ZNF385C: variants seen among roughly 807,000 people sequenced by gnomAD.
ZNF385C encodes CTD-2132N18.2.
In ZNF385C, 28 loss-of-function variants were observed where a neutral mutation model predicts 35.4. That is an observed-to-expected ratio of 0.79 (90% CI 0.59 to 1.08). ZNF385C has a LOEUF of 1.08. ZNF385C is among the 50% of genes least tolerant of loss of function. ZNF385C has a pLI of 0.00. For missense variants in ZNF385C, 605 were observed against 595.6 expected, an observed-to-expected ratio of 1.02 and a Z score of -0.16; for synonymous variants, 248 against 248.2, an observed-to-expected ratio of 1.00 and a Z score of 0.01.
intron 6 of ZNF385C, 51 bp downstream of exon 6, chr17:42,028,732 T>G: frequency 6.6e-7 from 1 of 1,516,810 alleles, no homozygotes; most frequent in African/African-American, 1.4e-5. Context: ...CTGGCGAGGC[T>G]TAGCTTCTGT....
In ZNF385C at chr17:42,026,741, G is replaced by A; in HGVS notation, c.*156C>T. 1.3e-6 allele frequency: 1 copy of A among 754,278 alleles called. No individual in the cohort carries two copies. The highest frequency in any genetic ancestry group is 1.6e-5 in the South Asian group (1 of 61,686). The allele number at this position is 754,278 out of a possible 1,614,324, so 46.7% of individuals were successfully genotyped here. ...GGAGGGTGGGGACAGTCCTTGGAAGGCAGCTGCCCTTAAAACTAGCCCAGC... is the reference window on the plus strand; with the variant it reads ...GGAGGGTGGGGACAGTCCTTGGAAGACAGCTGCCCTTAAAACTAGCCCAGC... On this transcript the variant is annotated 3_prime_UTR_variant, in exon 9 of 9. Transcript: ENST00000692273.
intron 1 of ZNF385C, among the ~76,000 whole-genome samples, chr17:42,093,123 T>A (rs1555660711): frequency 6.7e-6 from 1 of 150,338 alleles, no homozygotes; most frequent in African/African-American, 2.5e-5. Context: ...GCCACAGAGG[T>A]GGGGAGGCCA....
At chr17:42,096,501 T>G (rs1555660974) in intron 1 of ZNF385C, among the ~76,000 whole-genome samples, 1 of 152,062 alleles carries the variant, frequency 6.6e-6, no homozygotes, top group Non-Finnish European at 1.5e-5. Flanking sequence ...GGTTTAAGGG[T>G]GCTACTGAAC....
At chr17:42,049,437 G>A (rs534619606) in intron 2 of ZNF385C, among the ~76,000 whole-genome samples, 1 of 152,300 alleles carries the variant, frequency 6.6e-6, no homozygotes, top group East Asian at 1.9e-4. Flanking sequence ...TCCCAGAGAT[G>A]GGTACAGTGC....
intron 1 of ZNF385C, among the ~76,000 whole-genome samples, chr17:42,083,707 C>CTTTTTTTTTATTTTTTT (rs2053774206): frequency 2.0e-5 from 1 of 49,940 alleles, no homozygotes; most frequent in African/African-American, 8.6e-5. Context: ...CTTTTCAAGT[C>CTTTTTTTTTATTTTTTT]TTTTTTTTTT....
intron 1 of ZNF385C, among the ~76,000 whole-genome samples, chr17:42,093,583 TTA>T (rs1285747918): frequency 1.4e-5 from 2 of 138,462 alleles, no homozygotes; most frequent in African/African-American, 3.1e-5. Flanking sequence ...TTTATTTTAT[TTA>T]TTTTTTTTTT....
Position 42,026,907 on chromosome 17 carries a change from G to A in ZNF385C, c.1502C>T (p.Ala501Val). The A allele has an allele frequency of 6.3e-7, 1 of 1,593,304 alleles. No homozygotes were observed. Among genetic ancestry groups the A allele is most frequent in the Non-Finnish European group, 8.5e-7 (1 of 1,169,756 alleles). Residue 501 changes from alanine (A) to valine (V), a missense_variant, in exon 9 of 9, where the codon GCC becomes GTC. Transcript: ENST00000692273. ...VRPATGPIVL[A>V]PY ...GCCTCCCCATGAGGGCTAATAAGGG[G>A]CAAGGACGATAGGTCCTGTGGCAGG...
intron 2 of ZNF385C, chr17:42,039,801 C>T: frequency 8.1e-7 from 1 of 1,232,392 alleles, no homozygotes; most frequent in Non-Finnish European, 1.0e-6. Flanking sequence ...GGGGCCCATC[C>T]ACTGCGATCT....
Position 42,028,874 on chromosome 17 carries a change from A to G in ZNF385C, c.876T>C (p.Ser292=). Residue 292 remains serine (S), a synonymous_variant, in exon 6 of 9, where the codon AGT becomes AGC. Coordinates refer to ENST00000692273, the MANE Select transcript of ZNF385C (RefSeq NM_001392013.1). ...PAAAAVGSSM[S]GEGRSEKGHL... is the part of the protein sequence containing the mutation. ...GCCCCTTCTCACTCCTGCCTTCCCCACTCATGCTGCTTCCCACGGCAGCTG... is the reference window on the plus strand; with the variant it reads ...GCCCCTTCTCACTCCTGCCTTCCCCGCTCATGCTGCTTCCCACGGCAGCTG... The G allele has an allele frequency of 6.4e-7, 1 of 1,550,424 alleles. No homozygotes were observed. Among genetic ancestry groups the G allele is most frequent in the Non-Finnish European group, 8.7e-7 (1 of 1,146,960 alleles).
At chr17:42,054,234 T>C (rs2053334803) in intron 2 of ZNF385C, among the ~76,000 whole-genome samples, 1 of 152,202 alleles carries the variant, frequency 6.6e-6, no homozygotes, top group Admixed American at 6.5e-5. Context: ...GGACTGACTT[T>C]GTCCACAGGG....
chr17:42,032,384 C>T (rs1331203468), intron 4 of ZNF385C, among the ~76,000 whole-genome samples: 2 of 152,102 alleles, frequency 1.3e-5, no homozygotes, highest in African/African-American at 4.8e-5. Context: ...AGGCAAGTAA[C>T]ATCTCTCTGA....
At chr17:42,069,025 C>T (rs371403230) in intron 1 of ZNF385C, among the ~76,000 whole-genome samples, 3 of 152,328 alleles carry the variant, frequency 2.0e-5, no homozygotes, top group Admixed American at 6.5e-5. Context: ...AGAGAAAAAG[C>T]GTGTATGTAC....
intron 2 of ZNF385C, among the ~76,000 whole-genome samples, chr17:42,056,436 C>T (rs937068466): frequency 1.3e-5 from 2 of 152,208 alleles, no homozygotes; most frequent in Admixed American, 1.3e-4. Flanking sequence ...CTCAGCAGGG[C>T]ATCAGAGAGG....
Position 42,025,750 on chromosome 17 carries a change from G to A in ZNF385C, c.*1147C>T, listed in dbSNP as rs961008339. The A allele has an allele frequency of 2.0e-5, 3 of 152,506 alleles. No homozygotes were observed. The highest frequency in any genetic ancestry group is 7.2e-5 in the African/African-American group (3 of 41,436). 9.4% of individuals were successfully genotyped at this position (152,506 alleles called of 1,614,324 possible). A position where few individuals can be genotyped will look rare whatever the true frequency, so the allele number is the denominator to read the frequency against. The stretch of plus-strand genomic sequence containing the variant: ...AGGGTCCCATATTGTGGGGTGGGGA[G>A]GGGGCAGTGCTGCAGTGGAAAGGAG... On this transcript the variant is annotated 3_prime_UTR_variant, in exon 9 of 9. Coordinates refer to ENST00000692273, the MANE Select transcript of ZNF385C (RefSeq NM_001392013.1).
chr17:42,086,882 G>A (rs1416602962), intron 1 of ZNF385C, among the ~76,000 whole-genome samples: 1 of 144,372 alleles, frequency 6.9e-6, no homozygotes, highest in African/African-American at 2.6e-5. Context: ...AGGCTGGAGT[G>A]CAGTGGCGTG....
At chr17:42,089,611 T>A (rs2053844201) in intron 1 of ZNF385C, among the ~76,000 whole-genome samples, 1 of 152,162 alleles carries the variant, frequency 6.6e-6, no homozygotes, top group Non-Finnish European at 1.5e-5. Flanking sequence ...TTGACTAAAA[T>A]GCACAAAAGA....
chr17:42,026,822 G>A lies in ZNF385C; in HGVS notation c.*75C>T, dbSNP rs1277125899. On this transcript the variant is annotated 3_prime_UTR_variant, in exon 9 of 9. Transcript: ENST00000692273. ...TGTTCACAGTCCCTGTGGCATGTAG[G>A]AAACCAAGGTGTCTCAGGACAGGAG... 9.2e-6 allele frequency: 13 copies of A among 1,418,432 alleles called. No homozygotes were observed. The highest frequency in any genetic ancestry group is 1.2e-5 in the Non-Finnish European group (12 of 1,025,830). 87.9% of individuals were successfully genotyped at this position (1,418,432 alleles called of 1,614,324 possible).
chr17:42,084,711 A>G (rs1260969062), intron 1 of ZNF385C, among the ~76,000 whole-genome samples: 1 of 152,098 alleles, frequency 6.6e-6, no homozygotes, highest in South Asian at 2.1e-4. Flanking sequence ...CCTGGGCTGA[A>G]ACAATCCTCC....
intron 1 of ZNF385C, among the ~76,000 whole-genome samples, chr17:42,074,120 A>G (rs2053660618): frequency 1.3e-5 from 2 of 151,984 alleles, no homozygotes; most frequent in South Asian, 4.2e-4. Context: ...TTAGTCTCAG[A>G]CTCAGTTTAC....
Sources: allele counts gnomAD v4.1 joint callset (sites outside exome capture counted in the v4.1 genomes callset), GRCh38; gene constraint gnomAD v4.1.1; transcripts MANE v1.5; gene names NCBI Gene and HGNC (gene_info 2026-07-23, HGNC 2026-07-21).